DYNLT1: variants seen among roughly 807,000 people sequenced by gnomAD.
The protein encoded by DYNLT1 is dynein light chain Tctex-type 1, also known as T-complex testis-specific protein 1 homolog.
In DYNLT1, 18 loss-of-function variants were observed where a neutral mutation model predicts 19.6. The ratio of observed to expected loss-of-function variants is 0.92; its 90% CI spans 0.64 to 1.36. DYNLT1 has a LOEUF of 1.36. Ranked by LOEUF, DYNLT1 falls within the 40% of genes most tolerant of loss-of-function variation. The pLI is 0.00. For missense variants in DYNLT1, 137 were observed against 139.3 expected (o/e 0.98, Z 0.08); for synonymous variants, 56 against 44.0 (o/e 1.27, Z -1.07).
intron 2 of DYNLT1, among the ~76,000 whole-genome samples, chr6:158,639,653 T>C (rs1031389858): frequency 6.6e-6 from 1 of 152,176 alleles, no homozygotes; most frequent in African/African-American, 2.4e-5. Flanking sequence ...TGTCACCTCA[T>C]GTTTCCATGT....
rs1457635369 is a variant in DYNLT1, at chr6:158,636,803, A to AT, written c.*23_*24insA. 6.2e-7 allele frequency: 1 copy of AT among 1,602,074 alleles called. No individual in the cohort carries two copies. Among genetic ancestry groups the AT allele is most frequent in the South Asian group, 1.1e-5 (1 of 89,358 alleles). ...GAGGATGAACTAGAGACAAAAGGAG[A>AT]AAGGCCATAGGCTGGACTGCAGGTC... is the stretch of plus-strand genomic sequence containing the variant. On this transcript the variant is annotated 3_prime_UTR_variant, in exon 5 of 5. Coordinates refer to ENST00000367089, the MANE Select transcript of DYNLT1 (RefSeq NM_006519.4).
At chr6:158,641,900 A>G (rs1004402025) in intron 1 of DYNLT1, 1 of 152,256 alleles carries the variant, frequency 6.6e-6, no homozygotes, top group African/African-American at 2.4e-5. Flanking sequence ...GCCACAATCT[A>G]AGACTTCACT....
intron 1 of DYNLT1, 189 bp from the exon 2 acceptor site, chr6:158,641,549 A>C (rs1787134643): frequency 2.3e-6 from 1 of 433,332 alleles, no homozygotes; most frequent in Admixed American, 4.3e-5. Context: ...ATACATGCAC[A>C]TAATTTAAAG....
chr6:158,641,418 T>A, intron 1 of DYNLT1, 58 bp from the exon 2 acceptor site: 2 of 1,437,276 alleles, frequency 1.4e-6, no homozygotes, highest in Non-Finnish European at 1.9e-6. Context: ...TCCACTACAT[T>A]GATAAATGCA....
chr6:158,638,010 G>C, intron 2 of DYNLT1, 116 bp from the exon 3 acceptor site: 1 of 1,487,234 alleles, frequency 6.7e-7, no homozygotes, highest in Non-Finnish European at 9.0e-7. Flanking sequence ...TTTTAATCAT[G>C]AGGGTGCCTT....
chr6:158,643,822 G>A (rs1469695939), intron 1 of DYNLT1, among the ~76,000 whole-genome samples: 1 of 152,180 alleles, frequency 6.6e-6, no homozygotes, highest in Non-Finnish European at 1.5e-5. Context: ...CTTACCAAAT[G>A]TATCTATAGT....
chr6:158,637,308 G>T, intron 3 of DYNLT1, 103 bp from the exon 4 acceptor site: 2 of 995,110 alleles, frequency 2.0e-6, no homozygotes, highest in East Asian at 2.5e-5. Context: ...CCACGTGGTT[G>T]ATGTTCTCGA....
chr6:158,644,673 G>A lies in DYNLT1; in HGVS notation c.27+9C>T. On this transcript the variant is annotated intron_variant, in intron 1 of 4. Coordinates refer to ENST00000367089, the MANE Select transcript of DYNLT1 (RefSeq NM_006519.4). The stretch of plus-strand genomic sequence containing the variant: ...GCCTCCACCCTTCCGTCGCCGACCC[G>A]GCGGTTACCTCCTCCGCAGCCTGGT... The A allele has an allele frequency of 2.5e-6, 4 of 1,612,050 alleles. No individual in the cohort carries two copies. Among genetic ancestry groups the A allele is most frequent in the South Asian group, 1.1e-5 (1 of 91,080 alleles).
chr6:158,638,743 G>C (rs546560515), intron 2 of DYNLT1, among the ~76,000 whole-genome samples: 18 of 152,302 alleles, frequency 1.2e-4, no homozygotes, highest in African/African-American at 4.3e-4. Flanking sequence ...ATAAGCCACA[G>C]CACCCAGCCC....
At position 158,636,776 on chromosome 6, in the gene DYNLT1, T is replaced by G; in HGVS notation, c.*51A>C. On this transcript the variant is annotated 3_prime_UTR_variant, in exon 5 of 5. Coordinates refer to ENST00000367089, the MANE Select transcript of DYNLT1 (RefSeq NM_006519.4). ...GTTCACTGAATTCATGGCTGGTGGT[T>G]AGAGGATGAACTAGAGACAAAAGGA... 6.5e-7 allele frequency: 1 copy of G among 1,547,904 alleles called. No homozygotes were observed. Among genetic ancestry groups the G allele is most frequent in the Non-Finnish European group, 8.8e-7 (1 of 1,135,692 alleles).
intron 2 of DYNLT1, among the ~76,000 whole-genome samples, chr6:158,639,534 C>T (rs1055879200): frequency 3.3e-5 from 5 of 152,144 alleles, no homozygotes. Context: ...TTTGGACCTG[C>T]GCAAATTGAC....
chr6:158,641,231 G>A (rs762739974), intron 2 of DYNLT1, 88 bp downstream of exon 2: 30 of 1,276,408 alleles, frequency 2.4e-5, no homozygotes, highest in East Asian at 1.6e-4. Flanking sequence ...AGACTCAGTC[G>A]AAACAATTCC....
chr6:158,639,971 G>A (rs1325520645), intron 2 of DYNLT1, among the ~76,000 whole-genome samples: 2 of 152,136 alleles, frequency 1.3e-5, no homozygotes, highest in African/African-American at 2.4e-5. Flanking sequence ...GAGCCATCGC[G>A]CCCAGCATGG....
At chr6:158,638,853 T>G (rs554362217) in intron 2 of DYNLT1, among the ~76,000 whole-genome samples, 1 of 152,234 alleles carries the variant, frequency 6.6e-6, no homozygotes, top group Non-Finnish European at 1.5e-5. Flanking sequence ...TTGCTAAGCT[T>G]ATCATTATGA....
intron 2 of DYNLT1, 33 bp downstream of exon 2, chr6:158,641,286 A>T: frequency 6.4e-7 from 1 of 1,569,504 alleles, no homozygotes; most frequent in Non-Finnish European, 8.6e-7. Context: ...ATAAGCCATT[A>T]AACATTTAAG....
chr6:158,637,671 T>G, intron 3 of DYNLT1, 100 bp downstream of exon 3: 13 of 1,593,938 alleles, frequency 8.2e-6, no homozygotes, highest in Non-Finnish European at 7.7e-6. Context: ...GAGCCTTCCT[T>G]GAGTTGAGCC....
chr6:158,637,061 A>AAGAT, intron 4 of DYNLT1, 67 bp downstream of exon 4: 1 of 1,598,182 alleles, frequency 6.3e-7, no homozygotes, highest in Non-Finnish European at 8.6e-7. Context: ...ATTGCATTCA[A>AAGAT]AGATAGGAAA....
chr6:158,643,822 G>T (rs1469695939), intron 1 of DYNLT1, among the ~76,000 whole-genome samples: 1 of 152,180 alleles, frequency 6.6e-6, no homozygotes, highest in Admixed American at 6.5e-5. Context: ...CTTACCAAAT[G>T]TATCTATAGT....
intron 2 of DYNLT1, among the ~76,000 whole-genome samples, chr6:158,641,094 C>T (rs966540380): frequency 2.6e-5 from 4 of 152,104 alleles, no homozygotes; most frequent in African/African-American, 9.7e-5. Flanking sequence ...TGGTGATATG[C>T]AGTAATAATG....
Sources: allele counts gnomAD v4.1 joint callset (sites outside exome capture counted in the v4.1 genomes callset), GRCh38; gene constraint gnomAD v4.1.1; transcripts MANE v1.5; gene names NCBI Gene and HGNC (gene_info 2026-07-23, HGNC 2026-07-21).